WDR41: variants seen among roughly 807,000 people sequenced by gnomAD.
WDR41 encodes the protein WD repeat-containing protein 41.
In WDR41, 63 loss-of-function variants were observed where a neutral mutation model predicts 69.3. The observed-to-expected ratio is 0.91, with a 90% confidence interval of 0.74 to 1.12. The LOEUF is 1.12. Among genes scored for constraint, WDR41 ranks in the 50% most tolerant of loss-of-function variants. The probability of loss-of-function intolerance (pLI) is 0.00; values close to 1 mark genes in which losing one functional copy is unlikely to be tolerated. For missense variants in WDR41, 543 were observed against 534.5 expected, an observed-to-expected ratio of 1.02 and a Z score of -0.16; for synonymous variants, 185 against 192.1, an observed-to-expected ratio of 0.96 and a Z score of 0.31.
At chr5:77,571,025 A>G (rs1437032265) in intron 1 of WDR41, among the ~76,000 whole-genome samples, 2 of 152,098 alleles carry the variant, frequency 1.3e-5, no homozygotes, top group African/African-American at 4.8e-5. Context: ...ATTTAATGCA[A>G]TTAAGAATGG....
chr5:77,606,960 C>T (rs1744432805), intron 1 of WDR41, among the ~76,000 whole-genome samples: 2 of 146,660 alleles, frequency 1.4e-5, no homozygotes, highest in Non-Finnish European at 3.0e-5. Context: ...TTGCAGGTCA[C>T]ATACTACCAA....
Position 77,558,094 on chromosome 5 carries a change from T to TAAAAAAAAAAA in WDR41, c.42+62374_42+62384dup, listed in dbSNP as rs71608105. Among the ~76,000 whole-genome samples, 11 of 104,274 alleles carry TAAAAAAAAAAA rather than the reference T, an allele frequency of 1.1e-4. 1 individual carries two copies. The East Asian group carries it at 1.2e-3, about 12-fold the overall frequency. The allele number at this position is 104,274 out of a possible 152,430, so 68.4% of individuals were successfully genotyped here. On this transcript the variant is annotated intron_variant, in intron 1 of 5. Coordinates refer to the WDR41 transcript ENST00000509971. ...CATAGGGAACTTCAAATGTTCTTTTTAAAAAAAAAAAAAAAAAAAAAACAA... is the reference window on the plus strand; with the variant it reads ...CATAGGGAACTTCAAATGTTCTTTTTAAAAAAAAAAAAAAAAAAAAAAAAAAAAAAAAACAA...
chr5:77,580,724 G>A (rs896116131), intron 1 of WDR41, among the ~76,000 whole-genome samples: 3 of 152,098 alleles, frequency 2.0e-5, no homozygotes, highest in African/African-American at 4.8e-5. Flanking sequence ...GGGAGGCCAA[G>A]GTGGGCAGAT....
chr5:77,548,182 G>C (rs778579537), intron 1 of WDR41, among the ~76,000 whole-genome samples: 7 of 152,170 alleles, frequency 4.6e-5, no homozygotes, highest in Admixed American at 6.5e-5. Flanking sequence ...AAAAATTCTA[G>C]AAGATAACAT....
In WDR41 at chr5:77,554,133, AGG is replaced by A. The variant is rs574973029; in HGVS notation, c.43-64563_43-64562del. On this transcript the variant is annotated intron_variant, in intron 1 of 5. Transcript: ENST00000509971. ...TGATACATATGACTTGGATGTCTCT[AGG>A]GAATTCTGCTGAGTACAATGATATA... Among the ~76,000 whole-genome samples, 231 of 152,342 alleles carry A rather than the reference AGG, an allele frequency of 1.5e-3. 3 individuals carry two copies. Among genetic ancestry groups the A allele is most frequent in the African/African-American group, 5.3e-3 (222 of 41,572 alleles).
At chr5:77,567,663 TAAAAAAAA>T (rs60723638) in intron 1 of WDR41, among the ~76,000 whole-genome samples, 2 of 106,392 alleles carry the variant, frequency 1.9e-5, no homozygotes, top group Non-Finnish European at 4.1e-5. Context: ...AACCAAATAG[TAAAAAAAA>T]AAAAAAAAAA....
chr5:77,476,275 C>G (rs1239353267), intron 2 of WDR41, among the ~76,000 whole-genome samples: 1 of 151,884 alleles, frequency 6.6e-6, no homozygotes, highest in Non-Finnish European at 1.5e-5. Context: ...GAGAACTTCC[C>G]CAATCTAGCA....
Position 77,464,803 on chromosome 5 carries a change from T to C in WDR41, c.174A>G (p.Ala58=), listed in dbSNP as rs200020600. The change falls in exon 3 of 13, where the codon GCA becomes GCG. Residue 58 remains alanine (A), a synonymous_variant. Transcript: ENST00000296679. ...CTACAATTCCATCATCACCAGCAGATGCAAATCTGGTTAGGGAGAAAGGGT... is the reference window on the plus strand; with the variant it reads ...CTACAATTCCATCATCACCAGCAGACGCAAATCTGGTTAGGGAGAAAGGGT... The part of the protein sequence containing the change: ...FLVQLDDYRF[A]SAGDDGIVVV... The C allele has an allele frequency of 8.1e-6, 13 of 1,611,232 alleles. No homozygotes were observed. In the South Asian group the frequency reaches 1.4e-4, roughly 18 times the overall value.
At chr5:77,492,910 A>G (rs1234999427), upstream of WDR41, among the ~76,000 whole-genome samples, 1 of 152,250 alleles carries the variant, frequency 6.6e-6, no homozygotes, top group Non-Finnish European at 1.5e-5. Context: ...TAATTTGTCT[A>G]AAGATAACAG....
chr5:77,442,785 G>A (rs1044253055), intron 8 of WDR41, among the ~76,000 whole-genome samples: 2 of 149,084 alleles, frequency 1.3e-5, no homozygotes, highest in African/African-American at 5.0e-5. Context: ...CCAGCTACTC[G>A]GGAGGCTGAG....
At chr5:77,594,104 T>C (rs1163055816) in intron 1 of WDR41, among the ~76,000 whole-genome samples, 5 of 152,194 alleles carry the variant, frequency 3.3e-5, no homozygotes, top group African/African-American at 1.2e-4. Context: ...GATGAGTTCA[T>C]GTCCTTTGTA....
At position 77,582,449 on chromosome 5, in the gene WDR41, T is replaced by G. The variant is rs879250333; in HGVS notation, c.42+38030A>C. ...ACCCTTAAGAAAAAGCGAAGGAATT[T>G]CGTAGAGCTGAAGATCAAGCGCCTG... On this transcript the variant is annotated intron_variant, in intron 1 of 5. Transcript: ENST00000509971. 1.7e-5 allele frequency: 27 copies of G among 1,605,006 alleles called. No individual in the cohort carries two copies. The South Asian group carries it at 3.0e-4, about 18-fold the overall frequency.
chr5:77,524,302 A>G (rs1294969664), intron 1 of WDR41, among the ~76,000 whole-genome samples: 4 of 152,234 alleles, frequency 2.6e-5, no homozygotes, highest in Non-Finnish European at 5.9e-5. Context: ...GAAATAATAA[A>G]TCAGGCCAAG....
chr5:77,520,589 T>A (rs1802356647), intron 1 of WDR41, among the ~76,000 whole-genome samples: 1 of 152,206 alleles, frequency 6.6e-6, no homozygotes. Context: ...ACTAGCTTTA[T>A]CCTCGTAAAA....
chr5:77,436,160 A>G (rs980900520), intron 12 of WDR41, 101 bp downstream of exon 12: 12 of 1,444,436 alleles, frequency 8.3e-6, no homozygotes, highest in South Asian at 5.8e-5. Flanking sequence ...ACCTACAGAT[A>G]TAAGAAAAAG....
intron 10 of WDR41, among the ~76,000 whole-genome samples, chr5:77,437,637 T>G (rs1286200775): frequency 2.0e-5 from 3 of 152,204 alleles, no homozygotes; most frequent in African/African-American, 7.2e-5. Context: ...GCTCAAATGC[T>G]ATAAATTGAT....
intron 2 of WDR41, among the ~76,000 whole-genome samples, chr5:77,485,314 G>A (rs1048946948): frequency 4.6e-5 from 7 of 152,196 alleles, no homozygotes; most frequent in African/African-American, 1.4e-4. Flanking sequence ...CTGAAGGTTA[G>A]TGTATAAGAA....
At chr5:77,453,958 G>A (rs1799725637) in intron 5 of WDR41, 30 bp from the exon 6 acceptor site, 3 of 1,542,064 alleles carry the variant, frequency 1.9e-6, no homozygotes, top group Non-Finnish European at 2.7e-6. Flanking sequence ...TGTATATCAG[G>A]TTAGAAACTT....
chr5:77,464,659 AC>A (rs1800221047), intron 3 of WDR41, 101 bp downstream of exon 3: 2 of 1,160,052 alleles, frequency 1.7e-6, no homozygotes, highest in Admixed American at 3.7e-5. Context: ...GTGTCAATTA[AC>A]AGTGATATGT....
Sources: gnomAD v4.1 joint callset for allele counts (sites outside exome capture counted in the v4.1 genomes callset) on GRCh38, gnomAD v4.1.1 for gene constraint, MANE v1.5 for transcripts, NCBI Gene and HGNC (gene_info 2026-07-23, HGNC 2026-07-21) for gene names.